Variants in SATB2 observed in about 807,000 individuals in gnomAD.
The protein encoded by SATB2 is SATB homeobox 2, also known as DNA-binding protein SATB2.
A neutral mutation model predicts 73.4 loss-of-function variants in SATB2; 1 was observed. The observed-to-expected ratio is 0.01, with a 90% confidence interval of 0.00 to 0.06. The LOEUF (loss-of-function observed/expected upper bound fraction) is 0.06. Among genes scored for constraint, SATB2 ranks in the 10% least tolerant of loss-of-function variants. The pLI is 1.00. For synonymous variants in SATB2, 397 were observed against 367.0 expected (o/e 1.08, Z -0.93); for missense variants, 459 against 945.8 (o/e 0.49, Z 6.75).
At chr2:199,286,237 T>C (rs565565662) in intron 10 of SATB2, among the ~76,000 whole-genome samples, 63 of 152,026 alleles carry the variant, frequency 4.1e-4, no homozygotes, top group South Asian at 8.3e-4. Flanking sequence ...TTCTTCAATA[T>C]AAGGAGATGA....
At position 199,395,195 on chromosome 2, in the gene SATB2, A is replaced by G. The variant is rs975725221; in HGVS notation, c.347-13375T>C. ...CCTTAGTGGGCCCCAGTTTACCTCT[A>G]CTCATTTTTAATTGGTTCAATCGTG... On this transcript the variant is annotated intron_variant, in intron 3 of 10. Transcript: ENST00000417098. 2.6e-5 allele frequency among the ~76,000 whole-genome samples: 4 copies of G among 151,866 alleles called. No individual in the cohort carries two copies. The South Asian group carries it at 8.3e-4, about 32-fold the overall frequency.
At chr2:199,442,482 T>C (rs527558268) in intron 2 of SATB2, among the ~76,000 whole-genome samples, 16 of 152,348 alleles carry the variant, frequency 1.1e-4, no homozygotes, top group Admixed American at 3.3e-4. Flanking sequence ...GTCCTACCCA[T>C]GTCCTGCACT....
chr2:199,342,663 G>A (rs1276549889), intron 7 of SATB2, among the ~76,000 whole-genome samples: 1 of 152,014 alleles, frequency 6.6e-6, no homozygotes, highest in East Asian at 1.9e-4. Context: ...TTTAGACCAT[G>A]TATGTTTCTG....
rs984073804 is a variant in SATB2 at position 199,270,831 on chromosome 2, T to C, written c.*1380A>G. On this transcript the variant is annotated 3_prime_UTR_variant, in exon 11 of 11. Transcript: ENST00000417098. The stretch of plus-strand genomic sequence containing the variant: ...GTGATTCTACTGAAATCGCTTCACA[T>C]ACTCTATTGCCTGGAGCTGCACAAC... 6.6e-6 allele frequency: 1 copy of C among 152,388 alleles called. No homozygotes were observed. Among genetic ancestry groups the C allele is most frequent in the Non-Finnish European group, 1.5e-5 (1 of 68,052 alleles). 9.4% of individuals were successfully genotyped at this position (152,388 alleles called of 1,614,324 possible).
chr2:199,305,884 G>T (rs1270029574), intron 10 of SATB2, among the ~76,000 whole-genome samples: 1 of 152,058 alleles, frequency 6.6e-6, no homozygotes, highest in African/African-American at 2.4e-5. Context: ...AAGTGAAGAG[G>T]ACTTACGTGT....
chr2:199,273,631 T>A (rs1257642625), intron 10 of SATB2, among the ~76,000 whole-genome samples: 1 of 152,230 alleles, frequency 6.6e-6, no homozygotes, highest in Admixed American at 6.5e-5. Context: ...AAATTATGAA[T>A]TTAAACGACC....
At position 199,456,179 on chromosome 2, in the gene SATB2, T is replaced by C; in HGVS notation, c.-59-83A>G. On this transcript the variant is annotated intron_variant, in intron 1 of 10. Transcript: ENST00000417098. ...TACACGTGATAGACGTTCAGGCCAGTGGCAGAGCGCTGCACCACAGCCACA... is the reference window on the plus strand; with the variant it reads ...TACACGTGATAGACGTTCAGGCCAGCGGCAGAGCGCTGCACCACAGCCACA... The C allele has an allele frequency of 3.6e-6, 3 of 825,596 alleles. No homozygotes were observed. The South Asian group carries it at 4.7e-5, about 13-fold the overall frequency. The allele number at this position is 825,596 out of a possible 1,614,324, so 51.1% of individuals were successfully genotyped here.
At chr2:199,315,970 T>C (rs1485853550) in intron 9 of SATB2, among the ~76,000 whole-genome samples, 2 of 152,092 alleles carry the variant, frequency 1.3e-5, no homozygotes, top group African/African-American at 4.8e-5. Context: ...TCATAGATTC[T>C]TGCAGCAGAA....
intron 3 of SATB2, chr2:199,397,413 TC>T (rs1398291924): frequency 1.3e-5 from 2 of 152,410 alleles, no homozygotes; most frequent in Admixed American, 1.3e-4. Flanking sequence ...TATGAGTGAA[TC>T]TGAAAAATAA....
intron 10 of SATB2, among the ~76,000 whole-genome samples, chr2:199,290,513 T>C (rs1434419120): frequency 2.0e-5 from 3 of 152,226 alleles, no homozygotes; most frequent in Non-Finnish European, 4.4e-5. Flanking sequence ...GGAAATAAAG[T>C]ATTAAATCTA....
rs1383035671 is a variant in SATB2 at position 199,308,319 on chromosome 2, T to C, written c.1740+441A>G. Among the ~76,000 whole-genome samples the C allele has an allele frequency of 1.3e-5, 2 of 152,204 alleles. No individual in the cohort carries two copies. The highest frequency in any genetic ancestry group is 2.4e-5 in the African/African-American group (1 of 41,454). ...GAGTTCAATGGTATTCCCTAGGTCA[T>C]GTGGCTATTTCTTTTCCTCAGTCTA... is the stretch of plus-strand genomic sequence containing the variant. On this transcript the variant is annotated intron_variant, in intron 10 of 10. Transcript: ENST00000417098. The surrounding 1 kb of genome is among the most constrained non-coding windows in gnomAD (Gnocchi z 4.6).
chr2:199,430,556 C>A (rs1014077096), intron 3 of SATB2, among the ~76,000 whole-genome samples: 3 of 152,162 alleles, frequency 2.0e-5, no homozygotes, highest in Admixed American at 1.3e-4. Context: ...ATGACAGTAT[C>A]TTTTACACTA....
At position 199,308,543 on chromosome 2, in the gene SATB2, T is replaced by A. The variant is rs1310514715; in HGVS notation, c.1740+217A>T. Among the ~76,000 whole-genome samples the A allele has an allele frequency of 1.3e-5, 2 of 152,016 alleles. No homozygotes were observed. Reference sequence around the variant, plus strand: ...AACTTCTCAGTCATTTTTCTTTGTGTGTGCATACACACACACACACGCACG... The same window carrying A: ...AACTTCTCAGTCATTTTTCTTTGTGAGTGCATACACACACACACACGCACG... On this transcript the variant is annotated intron_variant, in intron 10 of 10. Coordinates refer to ENST00000417098, the MANE Select transcript of SATB2 (RefSeq NM_001172509.2). This position sits in a 1 kb window ranked among gnomAD's most constrained non-coding sequence, Gnocchi z 4.6.
intron 6 of SATB2, among the ~76,000 whole-genome samples, chr2:199,368,351 A>C (rs568039339): frequency 6.6e-6 from 1 of 152,266 alleles, no homozygotes; most frequent in Non-Finnish European, 1.5e-5. Context: ...ATTCTAAAGG[A>C]TTTTGGTCTT....
chr2:199,411,603 A>G (rs1690821142), intron 3 of SATB2, among the ~76,000 whole-genome samples: 1 of 152,224 alleles, frequency 6.6e-6, no homozygotes, highest in Admixed American at 6.5e-5. Context: ...CCAATGTCAC[A>G]AAACAAGCAA....
At chr2:199,440,972 C>G (rs938104659) in intron 2 of SATB2, among the ~76,000 whole-genome samples, 1 of 152,046 alleles carries the variant, frequency 6.6e-6, no homozygotes, top group Non-Finnish European at 1.5e-5. Context: ...CCTCAGCCTC[C>G]CAAGTAGCTG....
At chr2:199,292,184 G>T (rs1240671370) in intron 10 of SATB2, among the ~76,000 whole-genome samples, 1 of 152,132 alleles carries the variant, frequency 6.6e-6, no homozygotes, top group African/African-American at 2.4e-5. Context: ...AAATCAATAT[G>T]GTCCTTTTGG....
chr2:199,309,139 C>T (rs1246861287), intron 9 of SATB2, among the ~76,000 whole-genome samples, 182 bp from the exon 10 acceptor site: 1 of 152,198 alleles, frequency 6.6e-6, no homozygotes, highest in Non-Finnish European at 1.5e-5. Flanking sequence ...GGTGGTTATA[C>T]CAATGCCCAA....
At chr2:199,298,461 G>A (rs1171926175) in intron 10 of SATB2, among the ~76,000 whole-genome samples, 11 of 152,086 alleles carry the variant, frequency 7.2e-5, no homozygotes, top group Admixed American at 7.2e-4. Flanking sequence ...AAGAAGAAAT[G>A]GAGGTTAAAA....
Sources: allele counts gnomAD v4.1 joint callset (sites outside exome capture counted in the v4.1 genomes callset), GRCh38; gene constraint gnomAD v4.1.1; non-coding constraint Gnocchi (gnomAD v3.1); transcripts MANE v1.5; gene names NCBI Gene and HGNC (gene_info 2026-07-23, HGNC 2026-07-21).